INSR: variants seen among roughly 807,000 people sequenced by gnomAD.
INSR encodes the protein insulin receptor.
Under a neutral mutation model 142.6 loss-of-function variants are expected in INSR, and 67 were observed. The observed-to-expected ratio is 0.47, with a 90% CI of 0.39 to 0.58. The LOEUF is 0.58. Among genes scored for constraint, INSR ranks in the 20% least tolerant of loss-of-function variants. The pLI is 0.00. For synonymous variants in INSR, 756 were observed against 743.1 expected (o/e 1.02, Z -0.28); for missense variants, 1,248 against 1,833.2 (o/e 0.68, Z 5.83).
chr19:7,261,076 CG>C (rs1568225079), intron 2 of INSR, among the ~76,000 whole-genome samples: 2 of 151,760 alleles, frequency 1.3e-5, no homozygotes, highest in African/African-American at 4.8e-5. Flanking sequence ...TTTGTCGAGA[CG>C]GGGTTTCTCC....
chr19:7,268,006 G>GT, intron 1 of INSR, 110 bp from the exon 2 acceptor site: 1 of 936,752 alleles, frequency 1.1e-6, no homozygotes, highest in Admixed American at 2.0e-5. Flanking sequence ...TGGGCCCTGT[G>GT]TTTTCATCCC....
At position 7,119,378 on chromosome 19, in the gene INSR, C is replaced by T. The variant is rs1972420126; in HGVS notation, c.3794+71G>A. The T allele has an allele frequency of 6.3e-7, 1 of 1,588,758 alleles. No individual in the cohort carries two copies. Among genetic ancestry groups the T allele is most frequent in the South Asian group, 1.1e-5 (1 of 90,200 alleles). On this transcript the variant is annotated intron_variant, in intron 21 of 21. Coordinates refer to ENST00000302850, the MANE Select transcript of INSR (RefSeq NM_000208.4). This position sits in a 1 kb window ranked among gnomAD's most constrained non-coding sequence, Gnocchi z 5.2. The stretch of plus-strand genomic sequence containing the variant: ...CGTGTAGACATAGGAAAGGCAAAAC[C>T]AAGCACACGTGTAAAGGGCAATACC...
intron 11 of INSR, among the ~76,000 whole-genome samples, chr19:7,149,565 T>C (rs539403544): frequency 6.6e-6 from 1 of 152,266 alleles, no homozygotes; most frequent in African/African-American, 2.4e-5. Flanking sequence ...CTCACGCCTG[T>C]AATTCCAGCA....
intron 2 of INSR, among the ~76,000 whole-genome samples, chr19:7,253,173 G>A (rs34328549): frequency 0.073 from 10,980 of 151,212 alleles, 577 homozygotes; most frequent in Middle Eastern, 0.12. Context: ...GTAGGTACTT[G>A]ACAATGGTGG....
At chr19:7,162,645 A>AC (rs977697242) in intron 9 of INSR, among the ~76,000 whole-genome samples, 7 of 151,100 alleles carry the variant, frequency 4.6e-5, no homozygotes, top group African/African-American at 1.7e-4. Flanking sequence ...ACATGGAGAA[A>AC]CCCCGTCCCT....
chr19:7,272,852 G>T (rs1431990334), intron 1 of INSR, among the ~76,000 whole-genome samples: 1 of 152,084 alleles, frequency 6.6e-6, no homozygotes, highest in African/African-American at 2.4e-5. Flanking sequence ...AAAGTGCTGG[G>T]ATTACAGGTA....
chr19:7,213,353 A>AC (rs1975336694), intron 2 of INSR, among the ~76,000 whole-genome samples: 1 of 148,622 alleles, frequency 6.7e-6, no homozygotes, highest in South Asian at 2.1e-4. Flanking sequence ...AAAAAAAAAA[A>AC]AAAAAACAAA....
In INSR at chr19:7,112,358, A is replaced by G. The variant is rs893605620; in HGVS notation, c.*4698T>C. The stretch of plus-strand genomic sequence containing the variant: ...TTCCAAAAAAAAAGGCGTCTTCTGT[A>G]CATGGTGCTACTTGGCTCTTGTAGG... On this transcript the variant is annotated 3_prime_UTR_variant, in exon 22 of 22. Coordinates refer to ENST00000302850, the MANE Select transcript of INSR (RefSeq NM_000208.4). The G allele has an allele frequency of 3.9e-5, 6 of 152,226 alleles. No homozygotes were observed. Among genetic ancestry groups the G allele is most frequent in the African/African-American group, 1.4e-4 (6 of 41,472 alleles). 9.4% of individuals were successfully genotyped at this position (152,226 alleles called of 1,614,324 possible).
In INSR at chr19:7,119,819, T is replaced by A. The variant is rs1599866929; in HGVS notation, c.3660-236A>T. Among the ~76,000 whole-genome samples, 1 of 87,112 alleles carries A rather than the reference T, an allele frequency of 1.1e-5. No homozygotes were observed. The highest frequency in any genetic ancestry group is 2.5e-5 in the Non-Finnish European group (1 of 39,268). 57.1% of individuals were successfully genotyped at this position (87,112 alleles called of 152,430 possible). A position where few individuals can be genotyped will look rare whatever the true frequency, so the allele number is the denominator to read the frequency against. ...AAATATGCAAACACACAAACACATA[T>A]ACACACACAAACACACACACCCAAA... On this transcript the variant is annotated intron_variant, in intron 20 of 21. Transcript: ENST00000302850. The surrounding 1 kb of genome is among the most constrained non-coding windows in gnomAD (Gnocchi z 5.2).
intron 2 of INSR, among the ~76,000 whole-genome samples, chr19:7,235,289 T>C (rs1359133734): frequency 6.6e-6 from 1 of 152,110 alleles, no homozygotes; most frequent in African/African-American, 2.4e-5. Context: ...ATTAGACCAC[T>C]GCTATGCTCT....
intron 9 of INSR, 74 bp from the exon 10 acceptor site, chr19:7,153,001 CACA>C (rs1599913404): frequency 2.7e-6 from 2 of 735,308 alleles, no homozygotes; most frequent in African/African-American, 2.5e-5. Flanking sequence ...ACACACCCCA[CACA>C]CACACACACC....
rs1216531260 is a variant in INSR at position 7,166,200 on chromosome 19, G to A, written c.1815C>T (p.Thr605=). Residue 605 remains threonine, a synonymous_variant, in exon 8 of 22, where the codon ACC becomes ACT. Coordinates refer to ENST00000302850, the MANE Select transcript of INSR (RefSeq NM_000208.4). This position sits in a 1 kb window ranked among gnomAD's most constrained non-coding sequence, Gnocchi z 4.1. ...TLVTFSDERR[T]YGAKSDIIYV... ...AAATGATGTCACTCTTGGCCCCATA[G>A]GTCCGGCGTTCATCCGAAAAGGTGA... 3.7e-6 allele frequency: 6 copies of A among 1,614,106 alleles called. No individual in the cohort carries two copies. Among genetic ancestry groups the A allele is most frequent in the Non-Finnish European group, 5.1e-6 (6 of 1,180,028 alleles).
At chr19:7,234,252 G>T (rs1387711759) in intron 2 of INSR, among the ~76,000 whole-genome samples, 1 of 151,894 alleles carries the variant, frequency 6.6e-6, no homozygotes, top group Non-Finnish European at 1.5e-5. Flanking sequence ...TGTTGCCCAG[G>T]CTGGAGTGTA....
intron 13 of INSR, among the ~76,000 whole-genome samples, chr19:7,134,177 T>A (rs1972851879): frequency 6.6e-6 from 1 of 151,498 alleles, no homozygotes; most frequent in South Asian, 2.1e-4. Context: ...AGACTCCATC[T>A]CAAAAAAAAT....
chr19:7,286,849 C>A (rs999624948), intron 1 of INSR, among the ~76,000 whole-genome samples: 25 of 151,602 alleles, frequency 1.6e-4, no homozygotes, highest in African/African-American at 5.3e-4. Flanking sequence ...AAGAAGTATT[C>A]TTTTTTTGTT....
At chr19:7,205,803 T>C (rs1412951179) in intron 2 of INSR, among the ~76,000 whole-genome samples, 1 of 152,020 alleles carries the variant, frequency 6.6e-6, no homozygotes, top group Non-Finnish European at 1.5e-5. Flanking sequence ...GGTGGGAGGA[T>C]CAATTAGCCC....
intron 16 of INSR, among the ~76,000 whole-genome samples, chr19:7,126,313 T>A (rs10407499): frequency 6.6e-6 from 1 of 152,156 alleles, no homozygotes; most frequent in Non-Finnish European, 1.5e-5. Flanking sequence ...CCAGAAGAAC[T>A]GCCCAGCTGA....
intron 2 of INSR, among the ~76,000 whole-genome samples, chr19:7,224,948 G>A (rs1975734714): frequency 6.6e-6 from 1 of 151,948 alleles, no homozygotes; most frequent in South Asian, 2.1e-4. Flanking sequence ...ACAGAGGAAA[G>A]AAAAGGGGAT....
At chr19:7,264,447 A>G (rs771603385) in intron 2 of INSR, among the ~76,000 whole-genome samples, 2 of 152,258 alleles carry the variant, frequency 1.3e-5, no homozygotes, top group Non-Finnish European at 2.9e-5. Context: ...AGATACAAAA[A>G]TAAATTCATA....
Sources: gnomAD v4.1 joint callset for allele counts (sites outside exome capture counted in the v4.1 genomes callset) on GRCh38, gnomAD v4.1.1 for gene constraint, Gnocchi (gnomAD v3.1) non-coding constraint, MANE v1.5 for transcripts, NCBI Gene and HGNC (gene_info 2026-07-23, HGNC 2026-07-21) for gene names.